The following LCN6 variants were observed in gnomAD, a reference collection of about 807,000 sequenced individuals.
LCN6 encodes epididymal-specific lipocalin-6.
In LCN6, 20 loss-of-function variants were observed where a neutral mutation model predicts 21.4. The observed-to-expected ratio is 0.93, with a 90% CI of 0.66 to 1.36. The LOEUF is 1.36. Among genes scored for constraint, LCN6 ranks in the 40% most tolerant of loss-of-function variants. The pLI, the probability that LCN6 is intolerant of heterozygous loss-of-function variation, is 0.00. For missense variants in LCN6, 217 were observed against 206.6 expected (o/e 1.05, Z -0.31); for synonymous variants, 96 against 89.0 (o/e 1.08, Z -0.44).
In LCN6 at chr9:136,744,623, C is replaced by T. The variant is rs1847008289; in HGVS notation, c.*22+17G>A. 1.3e-6 allele frequency: 2 copies of T among 1,540,208 alleles called. No individual in the cohort carries two copies. The highest frequency in any genetic ancestry group is 2.7e-5 in the African/African-American group (2 of 73,664). ...TTGCCCCAAGCCTCCCCCGAGGCTG[C>T]TCCGGTGGACACTCACGGTCCTTCT... is the stretch of plus-strand genomic sequence containing the variant. On this transcript the variant is annotated intron_variant, in intron 5 of 6. Coordinates refer to ENST00000341206, the MANE Select transcript of LCN6 (RefSeq NM_198946.3). The surrounding 1 kb of genome is among the most constrained non-coding windows in gnomAD (Gnocchi z 4.2).
intron 1 of LCN6, among the ~76,000 whole-genome samples, 177 bp from the exon 2 acceptor site, chr9:136,747,740 C>CCTTCCACCCCTCT (rs1282756025): frequency 9.3e-6 from 1 of 107,488 alleles, no homozygotes; most frequent in African/African-American, 4.7e-5. Flanking sequence ...TCCAGCCCTG[C>CCTTCCACCCCTCT]AGCCTCCAGC....
chr9:136,748,439 C>T lies in LCN6; in HGVS notation c.45G>A (p.Val15=). 3 of 1,613,220 alleles carry T rather than the reference C, an allele frequency of 1.9e-6. No homozygotes were observed. The highest frequency in any genetic ancestry group is 2.5e-6 in the Non-Finnish European group (3 of 1,179,948). ...CCAACCACACGGCCTGGGCCCTGGG[C>T]ACCGAGACCAAAGCCAGAAAAGCAG... ...LLAAFLALVS[V]PRAQAVWLGR... is the part of the protein sequence containing the mutation. Residue 15 remains valine (V), a synonymous_variant, in exon 1 of 7, where the codon GTG becomes GTA. Coordinates refer to ENST00000341206, the MANE Select transcript of LCN6 (RefSeq NM_198946.3).
intron 4 of LCN6, among the ~76,000 whole-genome samples, 166 bp downstream of exon 4, chr9:136,745,004 G>A (rs1280792231): frequency 6.6e-6 from 1 of 150,586 alleles, no homozygotes; most frequent in East Asian, 2.0e-4. Flanking sequence ...GCCCCAAGCG[G>A]CCCACTCACC....
intron 1 of LCN6, 48 bp downstream of exon 1, chr9:136,748,346 G>A: frequency 6.6e-7 from 1 of 1,519,990 alleles, no homozygotes; most frequent in South Asian, 1.2e-5. Context: ...CTTAAAGGAG[G>A]GGCTGGCCCC....
At position 136,747,476 on chromosome 9, in the gene LCN6, C is replaced by G. The variant is rs760914767; in HGVS notation, c.178G>C (p.Val60Leu). 6.2e-7 allele frequency: 1 copy of G among 1,613,702 alleles called. No individual in the cohort carries two copies. Among genetic ancestry groups the G allele is most frequent in the South Asian group, 1.1e-5 (1 of 91,086 alleles). ...EKDMKNVVGV[V>L]VTLTPENNLR... ...TTGTTTTCTGGAGTGAGGGTCACCA[C>G]CACCCCCACGACGTTCTTCATGTCC... is the stretch of plus-strand genomic sequence containing the variant. Residue 60 changes from valine to leucine, a missense_variant, in exon 2 of 7, where the codon GTG (valine) becomes CTG (leucine). Val to Leu is a conservative substitution (Grantham distance 32). Coordinates refer to ENST00000341206, the MANE Select transcript of LCN6 (RefSeq NM_198946.3).
At chr9:136,745,791 G>T in intron 3 of LCN6, 53 bp downstream of exon 3, 2 of 1,508,836 alleles carry the variant, frequency 1.3e-6, no homozygotes, top group Non-Finnish European at 9.2e-7. Flanking sequence ...CAGGGGGCCT[G>T]GGGATGCTGC....
chr9:136,746,250 G>T (rs1431942835), intron 2 of LCN6, among the ~76,000 whole-genome samples: 1 of 140,452 alleles, frequency 7.1e-6, no homozygotes. Context: ...GGGTTCGCCC[G>T]TGACTCAGGG....
At position 136,744,615 on chromosome 9, in the gene LCN6, C is replaced by G. The variant is rs556014847; in HGVS notation, c.*22+25G>C. ...TCCAGAACTTGCCCCAAGCCTCCCC[C>G]GAGGCTGCTCCGGTGGACACTCACG... On this transcript the variant is annotated intron_variant, in intron 5 of 6. Transcript: ENST00000341206. The surrounding 1 kb of genome is among the most constrained non-coding windows in gnomAD (Gnocchi z 4.2). The G allele has an allele frequency of 9.4e-6, 14 of 1,492,162 alleles. No homozygotes were observed. In the African/African-American group the frequency reaches 1.2e-4, roughly 13 times the overall value. 92.4% of individuals were successfully genotyped at this position (1,492,162 alleles called of 1,614,324 possible).
rs1847078783 is a variant in LCN6, at chr9:136,748,393, C to T, written c.90+1G>A. 6.2e-7 allele frequency: 1 copy of T among 1,611,124 alleles called. No homozygotes were observed. The highest frequency in any genetic ancestry group is 8.5e-7 in the Non-Finnish European group (1 of 1,179,102). ...TCTCCCCACCCCCAGGAGGACTGTACCTGCTCAGGGTCCAGTCTTCCCAAC... is the reference window on the plus strand; with the variant it reads ...TCTCCCCACCCCCAGGAGGACTGTATCTGCTCAGGGTCCAGTCTTCCCAAC... On this transcript the variant is annotated splice_donor_variant, in intron 1 of 6. Transcript: ENST00000341206. LOFTEE classifies it high-confidence loss of function.
In LCN6 at chr9:136,745,176, G is replaced by T. The variant is rs746975255; in HGVS notation, c.406C>A (p.Leu136Met). The stretch of plus-strand genomic sequence containing the variant: ...CCCCGCACAGCACACTTACTGTACA[G>T]CTCCACGGTGTTGAAGGGCTCGTCC... ...FGDEPFNTVE[L>M]YSLTETASQE... Residue 136 changes from leucine (L) to methionine (M), a missense_variant, in exon 4 of 7, where the codon CTG becomes ATG. Physicochemically the swap from Leu to Met is conservative, Grantham distance 15 (BLOSUM62 2). Coordinates refer to ENST00000341206, the MANE Select transcript of LCN6 (RefSeq NM_198946.3). 1.2e-6 allele frequency: 2 copies of T among 1,607,420 alleles called. No homozygotes were observed. The highest frequency in any genetic ancestry group is 1.7e-6 in the Non-Finnish European group (2 of 1,174,304).
chr9:136,747,339 G>T, intron 2 of LCN6, 85 bp downstream of exon 2: 2 of 1,509,480 alleles, frequency 1.3e-6, no homozygotes, highest in Non-Finnish European at 1.8e-6. Context: ...AGGCCGCGGT[G>T]CCCGGGAGCA....
At position 136,747,539 on chromosome 9, in the gene LCN6, C is replaced by T. The variant is rs1398387848; in HGVS notation, c.115G>A (p.Ala39Thr). The change falls in exon 2 of 7, where the codon GCG becomes ACG. Residue 39 changes from alanine to threonine, a missense_variant. By Grantham distance (58) the Ala-to-Thr change is moderately conservative (BLOSUM62 0). Transcript: ENST00000341206. ...AAGCCCTTTTCCCGGGAGGCCACCG[C>T]AAGCACGTACCAGGGCCCAAGAAGC... is the stretch of plus-strand genomic sequence containing the variant. The part of the protein sequence containing the change: ...EQLLGPWYVL[A>T]VASREKGFAM... 6.2e-7 allele frequency: 1 copy of T among 1,612,364 alleles called. No individual in the cohort carries two copies. The highest frequency in any genetic ancestry group is 8.5e-7 in the Non-Finnish European group (1 of 1,179,820).
chr9:136,747,765 C>T (rs1280849948), intron 1 of LCN6, among the ~76,000 whole-genome samples: 2 of 133,754 alleles, frequency 1.5e-5, no homozygotes, highest in Non-Finnish European at 3.2e-5. Context: ...ACCCTCCAAC[C>T]ATCCAGCCCT....
intron 3 of LCN6, 152 bp from the exon 4 acceptor site, chr9:136,745,432 A>G (rs1847024392): frequency 1.7e-6 from 1 of 603,332 alleles, no homozygotes; most frequent in Non-Finnish European, 3.0e-6. Context: ...AGAGCCCCCA[A>G]GCTTTGTCCC....
Position 136,744,480 on chromosome 9 carries a change from A to G in LCN6, c.*23-116T>C. The G allele has an allele frequency of 3.8e-6, 2 of 531,310 alleles. No homozygotes were observed. Among genetic ancestry groups the G allele is most frequent in the Non-Finnish European group, 3.4e-6 (1 of 292,194 alleles). The allele number at this position is 531,310 out of a possible 1,614,324, so 32.9% of individuals were successfully genotyped here. A position where few individuals can be genotyped will look rare whatever the true frequency, so the allele number is the denominator to read the frequency against. ...AAGACCCCCAGGCCTGACTTTGGGC[A>G]GGGGCAGGTGAAGACCCCCTCAGCC... is the stretch of plus-strand genomic sequence containing the variant. On this transcript the variant is annotated intron_variant, in intron 5 of 6. Transcript: ENST00000341206. This position sits in a 1 kb window ranked among gnomAD's most constrained non-coding sequence, Gnocchi z 4.2.
Position 136,744,463 on chromosome 9 carries a change from C to A in LCN6, c.*23-99G>T. The A allele has an allele frequency of 3.8e-6, 2 of 524,538 alleles. No homozygotes were observed. The highest frequency in any genetic ancestry group is 3.5e-6 in the Non-Finnish European group (1 of 288,372). The allele number at this position is 524,538 out of a possible 1,614,324, so 32.5% of individuals were successfully genotyped here. A position where few individuals can be genotyped will look rare whatever the true frequency, so the allele number is the denominator to read the frequency against. ...TCGCCTGCCGTGGGGACAAGACCCC[C>A]AGGCCTGACTTTGGGCAGGGGCAGG... is the stretch of plus-strand genomic sequence containing the variant. On this transcript the variant is annotated intron_variant, in intron 5 of 6. Transcript: ENST00000341206. This position sits in a 1 kb window ranked among gnomAD's most constrained non-coding sequence, Gnocchi z 4.2.
Position 136,744,428 on chromosome 9 carries a change from C to T in LCN6, c.*23-64G>A. ...AGCCCCCCAGCACCCCAGGGCCCCACCCACAAGACTCGCCTGCCGTGGGGA... is the reference window on the plus strand; with the variant it reads ...AGCCCCCCAGCACCCCAGGGCCCCATCCACAAGACTCGCCTGCCGTGGGGA... On this transcript the variant is annotated intron_variant, in intron 5 of 6. Coordinates refer to ENST00000341206, the MANE Select transcript of LCN6 (RefSeq NM_198946.3). This position sits in a 1 kb window ranked among gnomAD's most constrained non-coding sequence, Gnocchi z 4.2. The T allele has an allele frequency of 2.0e-6, 1 of 496,452 alleles. No individual in the cohort carries two copies. The highest frequency in any genetic ancestry group is 3.5e-5 in the South Asian group (1 of 28,816). The allele number at this position is 496,452 out of a possible 1,614,324, so 30.8% of individuals were successfully genotyped here. A position where few individuals can be genotyped will look rare whatever the true frequency, so the allele number is the denominator to read the frequency against.
rs754800313 is a variant in LCN6, at chr9:136,748,412, T to A, written c.72A>T (p.Gly24=). ...ACTGTACCTGCTCAGGGTCCAGTCT[T>A]CCCAACCACACGGCCTGGGCCCTGG... ...SVPRAQAVWL[G]RLDPEQLLGP... is the part of the protein sequence containing the mutation. Residue 24 remains glycine, a synonymous_variant, in exon 1 of 7, where the codon GGA becomes GGT. Coordinates refer to ENST00000341206, the MANE Select transcript of LCN6 (RefSeq NM_198946.3). The A allele has an allele frequency of 5.0e-6, 8 of 1,612,726 alleles. No homozygotes were observed. The Admixed American group carries it at 1.3e-4, about 27-fold the overall frequency.
Position 136,745,209 on chromosome 9 carries a change from C to T in LCN6, c.373G>A (p.Glu125Lys). The change falls in exon 4 of 7, where the codon GAG (glutamate) becomes AAG (lysine). Residue 125 changes from glutamate to lysine, a missense_variant. By Grantham distance (56) the Glu-to-Lys change is moderately conservative (BLOSUM62 1). Coordinates refer to ENST00000341206, the MANE Select transcript of LCN6 (RefSeq NM_198946.3). ...GTGTTGAAGGGCTCGTCCCCGAACT[C>T]CAGCTGAGTGAAGATGATGGCATAG... ...RDYAIIFTQL[E>K]FGDEPFNTVE... is the part of the protein sequence containing the mutation. The T allele has an allele frequency of 6.2e-7, 1 of 1,613,708 alleles. No individual in the cohort carries two copies. Among genetic ancestry groups the T allele is most frequent in the Non-Finnish European group, 8.5e-7 (1 of 1,179,882 alleles).
Sources: allele counts gnomAD v4.1 joint callset (sites outside exome capture counted in the v4.1 genomes callset), GRCh38; gene constraint gnomAD v4.1.1; non-coding constraint Gnocchi (gnomAD v3.1); transcripts MANE v1.5; gene names NCBI Gene and HGNC (gene_info 2026-07-23, HGNC 2026-07-21).